Variants in DOP1B observed in about 807,000 individuals in gnomAD.
The protein encoded by DOP1B is protein DOP1B.
Under a neutral mutation model 233.5 loss-of-function variants are expected in DOP1B, and 174 were observed. That is an observed-to-expected ratio of 0.75 (90% CI 0.66 to 0.85). DOP1B has a LOEUF of 0.85. Ranked by LOEUF, DOP1B falls within the 40% of genes least tolerant of loss-of-function variation. The pLI is 0.00. For missense variants in DOP1B, 2,652 were observed against 2,846.6 expected (o/e 0.93, Z 1.56); for synonymous variants, 1,190 against 1,185.6 (o/e 1.00, Z -0.08).
intron 27 of DOP1B, among the ~76,000 whole-genome samples, chr21:36,272,975 A>C: frequency 7.8e-6 from 1 of 128,446 alleles, no homozygotes; most frequent in South Asian, 2.7e-4. Context: ...CAAGAGCAAA[A>C]CTCCATCTCA....
Position 36,230,513 on chromosome 21 carries a change from G to A in DOP1B, c.1729G>A (p.Glu577Lys), listed in dbSNP as rs764935139. 1.4e-5 allele frequency: 22 copies of A among 1,613,696 alleles called. No individual in the cohort carries two copies. The highest frequency in any genetic ancestry group is 1.7e-5 in the Admixed American group (1 of 59,988). The change falls in exon 14 of 37, where the codon GAA becomes AAA. Residue 577 changes from glutamate (E) to lysine (K), a missense_variant. Coordinates refer to ENST00000691173, the MANE Select transcript of DOP1B (RefSeq NM_001320714.2). ...LETKAVIPGDEDASFPPLKSE... is the reference protein window; with the variant it reads ...LETKAVIPGDKDASFPPLKSE... ...AACAAAGGCAGTGATTCCCGGTGAC[G>A]AAGATGCTTCGTTTCCCCCTCTGAA...
intron 32 of DOP1B, among the ~76,000 whole-genome samples, chr21:36,284,504 C>T (rs1229527280): frequency 2.0e-5 from 3 of 149,052 alleles, no homozygotes; most frequent in Non-Finnish European, 3.0e-5. Flanking sequence ...CTCCTGACCC[C>T]GTGATCCACC....
In DOP1B at chr21:36,232,998, A is replaced by G; in HGVS notation, c.2545A>G (p.Lys849Glu). 2 of 1,614,020 alleles carry G rather than the reference A, an allele frequency of 1.2e-6. No homozygotes were observed. The highest frequency in any genetic ancestry group is 1.7e-6 in the Non-Finnish European group (2 of 1,179,982). ...CTCTGGACACAACCCTTTTTTTGGC[A>G]AGCTGCAGATGGTGACGGTTCCTCC... ...KSSGHNPFFG[K>E]LQMVTVPPIA... is the part of the protein sequence containing the mutation. The change falls in exon 15 of 37, where the codon AAG (lysine) becomes GAG (glutamate). Residue 849 changes from lysine (K) to glutamate (E), a missense_variant. Transcript: ENST00000691173.
intron 23 of DOP1B, among the ~76,000 whole-genome samples, chr21:36,257,753 TGTAGG>T (rs1247074718): frequency 1.4e-5 from 2 of 140,572 alleles, no homozygotes; most frequent in African/African-American, 2.8e-5. Context: ...GGTAGGTAGA[TGTAGG>T]TAGGTAGGTA....
rs1333019473 is a variant in DOP1B, at chr21:36,211,897, A to T, written c.781-77A>T. 3 of 1,596,028 alleles carry T rather than the reference A, an allele frequency of 1.9e-6. No individual in the cohort carries two copies. The East Asian group carries it at 6.7e-5, about 36-fold the overall frequency. The stretch of plus-strand genomic sequence containing the variant: ...TGAGATAGAGCTTTGCAGACCAGCA[A>T]GGAAGGGCTGCGTGTCAAAAAGTCA... On this transcript the variant is annotated intron_variant, in intron 6 of 36. Transcript: ENST00000691173.
chr21:36,256,426 G>A (rs1214334025), intron 23 of DOP1B, among the ~76,000 whole-genome samples: 1 of 152,178 alleles, frequency 6.6e-6, no homozygotes, highest in Non-Finnish European at 1.5e-5. Flanking sequence ...GGGTGACAGA[G>A]TGAGACCCTG....
intron 12 of DOP1B, 59 bp downstream of exon 12, chr21:36,225,726 T>G: frequency 6.5e-7 from 1 of 1,538,466 alleles, no homozygotes; most frequent in Non-Finnish European, 8.9e-7. Flanking sequence ...TTACTGGTGG[T>G]GATGGCCTGC....
At chr21:36,235,443 G>A (rs117833633) in intron 15 of DOP1B, among the ~76,000 whole-genome samples, 4,967 of 152,102 alleles carry the variant, frequency 0.033, 260 homozygotes, top group East Asian at 0.19. Flanking sequence ...AGGAAGGCCC[G>A]GCTCGGTGGC....
At chr21:36,286,639 A>AC (rs2067486628) in intron 32 of DOP1B, among the ~76,000 whole-genome samples, 1 of 146,458 alleles carries the variant, frequency 6.8e-6, no homozygotes, top group Non-Finnish European at 1.5e-5. Context: ...CCATCTCAAA[A>AC]ACACACACAC....
intron 2 of DOP1B, among the ~76,000 whole-genome samples, chr21:36,167,539 T>G (rs2065924274): frequency 6.6e-6 from 1 of 152,216 alleles, no homozygotes; most frequent in Non-Finnish European, 1.5e-5. Context: ...TTTTTCTTTA[T>G]TGAGATAAAA....
chr21:36,277,935 C>T (rs1211998284), intron 28 of DOP1B, 40 bp from the exon 29 acceptor site: 4 of 1,556,454 alleles, frequency 2.6e-6, no homozygotes, highest in East Asian at 4.5e-5. Flanking sequence ...AGCCGTCGCA[C>T]CTGGCCAGTT....
chr21:36,161,347 C>G (rs1489614417), intron 1 of DOP1B, among the ~76,000 whole-genome samples: 2 of 152,106 alleles, frequency 1.3e-5, no homozygotes, highest in Admixed American at 6.5e-5. Flanking sequence ...CCATGTTGGC[C>G]AGGCTGGTCT....
At position 36,231,672 on chromosome 21, in the gene DOP1B, T is replaced by A. The variant is rs990790584; in HGVS notation, c.2350+538T>A. On this transcript the variant is annotated intron_variant, in intron 14 of 36. Transcript: ENST00000691173. ...TTGATAAAGTTTTTTTTGTGTTGGG[T>A]TTTTTTGTTTTTTTTTTTTTTTTGA... Among the ~76,000 whole-genome samples, 13 of 140,158 alleles carry A rather than the reference T, an allele frequency of 9.3e-5. No homozygotes were observed. In the South Asian group the frequency reaches 2.5e-3, roughly 27 times the overall value. 91.9% of individuals were successfully genotyped at this position (140,158 alleles called of 152,430 possible). A position where few individuals can be genotyped will look rare whatever the true frequency, so the allele number is the denominator to read the frequency against.
In DOP1B at chr21:36,231,113, G is replaced by A; in HGVS notation, c.2329G>A (p.Ala777Thr). The A allele has an allele frequency of 1.9e-6, 3 of 1,589,984 alleles. No individual in the cohort carries two copies. The highest frequency in any genetic ancestry group is 2.6e-6 in the Non-Finnish European group (3 of 1,164,646). ...CGAGGAAGAGACCGAGCAGCTCTGT[G>A]CAACGCTCTTCCAGCTGCCAGGTGA... The part of the protein sequence containing the change: ...LSEEETEQLC[A>T]TLFQLPGAGD... The change falls in exon 14 of 37, where the codon GCA becomes ACA. Residue 777 changes from alanine (A) to threonine (T), a missense_variant. Around this residue, in one of 3 missense-constraint regions of DOP1B, gnomAD observed 2,617 missense variants for 2,794.3 expected, o/e 0.94. Transcript: ENST00000691173.
intron 2 of DOP1B, among the ~76,000 whole-genome samples, chr21:36,180,057 C>T (rs763473802): frequency 3.3e-5 from 5 of 152,094 alleles, no homozygotes; most frequent in Non-Finnish European, 5.9e-5. Context: ...ACCACATTCT[C>T]TATCCCAATC....
chr21:36,280,509 G>A (rs1490948439), intron 31 of DOP1B, among the ~76,000 whole-genome samples, 163 bp downstream of exon 31: 1 of 152,136 alleles, frequency 6.6e-6, no homozygotes, highest in Non-Finnish European at 1.5e-5. Flanking sequence ...CTAAATCAAT[G>A]AGTCTTTTCC....
At chr21:36,270,304 G>A in intron 27 of DOP1B, 147 bp downstream of exon 27, 3 of 871,706 alleles carry the variant, frequency 3.4e-6, no homozygotes, top group African/African-American at 1.7e-5. Flanking sequence ...TGTAATCCCA[G>A]CACTTTGGGA....
Position 36,227,758 on chromosome 21 carries a change from G to A in DOP1B, c.1546G>A (p.Asp516Asn), listed in dbSNP as rs2066710208. Residue 516 changes from aspartate to asparagine, a missense_variant, in exon 13 of 37, where the codon GAC becomes AAC. By Grantham distance (23) the Asp-to-Asn change is conservative. Transcript: ENST00000691173. ...LGCLVQPLAE[D>N]MEALSLPELT... ...CTGCCTGGTGCAGCCTCTTGCTGAG[G>A]ACATGGAGGCCTTAAGTTTACCTGA... 1 of 1,613,420 alleles carries A rather than the reference G, an allele frequency of 6.2e-7. No individual in the cohort carries two copies. The highest frequency in any genetic ancestry group is 1.3e-5 in the African/African-American group (1 of 74,920).
Position 36,268,686 on chromosome 21 carries a change from G to A in DOP1B, c.5488-1327G>A, listed in dbSNP as rs542252426. Among the ~76,000 whole-genome samples, 11 of 152,228 alleles carry A rather than the reference G, an allele frequency of 7.2e-5. No homozygotes were observed. In the South Asian group the frequency reaches 1.5e-3, roughly 20 times the overall value. On this transcript the variant is annotated intron_variant, in intron 26 of 36. Coordinates refer to ENST00000691173, the MANE Select transcript of DOP1B (RefSeq NM_001320714.2). ...CCAGTCGGTCCCTTTGTTCGGGGTC[G>A]CTGACTTCCCGCAACACTCTGTCAC...
Sources: gnomAD v4.1 joint callset for allele counts (sites outside exome capture counted in the v4.1 genomes callset) on GRCh38, gnomAD v4.1.1 for gene constraint, gnomAD v4.1.1 regional missense constraint, MANE v1.5 for transcripts, NCBI Gene and HGNC (gene_info 2026-07-23, HGNC 2026-07-21) for gene names.